Variants in CYB5A observed in about 807,000 individuals in gnomAD.
The protein encoded by CYB5A is cytochrome b5 type A, also known as cytochrome b5.
In CYB5A, 10 loss-of-function variants were observed where a neutral mutation model predicts 16.2. That is an observed-to-expected ratio of 0.62 (90% confidence interval 0.38 to 1.04). The LOEUF (loss-of-function observed/expected upper bound fraction) is 1.04. CYB5A is among the 50% of genes least tolerant of loss of function. The probability of loss-of-function intolerance (pLI) is 0.01; values close to 1 mark genes in which losing one functional copy is unlikely to be tolerated. For missense variants in CYB5A, 161 were observed against 165.9 expected, an observed-to-expected ratio of 0.97 and a Z score of 0.16; for synonymous variants, 62 against 57.0, an observed-to-expected ratio of 1.09 and a Z score of -0.40.
chr18:74,288,293 C>CG (rs1157815697), intron 1 of CYB5A, among the ~76,000 whole-genome samples: 4 of 152,148 alleles, frequency 2.6e-5, no homozygotes, highest in Non-Finnish European at 5.9e-5. Context: ...AACATGAACA[C>CG]GGACATGCAC....
At chr18:74,287,764 A>G (rs1468622583) in intron 1 of CYB5A, among the ~76,000 whole-genome samples, 1 of 152,234 alleles carries the variant, frequency 6.6e-6, no homozygotes, top group Non-Finnish European at 1.5e-5. Flanking sequence ...GACTTGAACC[A>G]AAAGCAACAG....
intron 1 of CYB5A, among the ~76,000 whole-genome samples, chr18:74,289,193 T>C (rs1357847072): frequency 6.6e-6 from 1 of 152,130 alleles, no homozygotes; most frequent in Non-Finnish European, 1.5e-5. Flanking sequence ...TAAGAAAAAA[T>C]AAAGAAATTT....
chr18:74,271,335 C>A (rs957715507), intron 1 of CYB5A, among the ~76,000 whole-genome samples: 4 of 152,162 alleles, frequency 2.6e-5, no homozygotes, highest in Non-Finnish European at 5.9e-5. Context: ...CCCAATGGGT[C>A]CTAAACTCAC....
intron 4 of CYB5A, among the ~76,000 whole-genome samples, chr18:74,253,916 C>T (rs770116042): frequency 2.6e-5 from 4 of 152,216 alleles, no homozygotes; most frequent in African/African-American, 7.2e-5. Flanking sequence ...CAGTGGCTCA[C>T]GCCTGTAATC....
chr18:74,255,574 T>C (rs953657248), intron 4 of CYB5A, among the ~76,000 whole-genome samples, 167 bp downstream of exon 4: 1 of 152,180 alleles, frequency 6.6e-6, no homozygotes, highest in African/African-American at 2.4e-5. Context: ...GTCGGCTACC[T>C]GAAAGTTTGA....
intron 1 of CYB5A, among the ~76,000 whole-genome samples, chr18:74,273,482 G>C (rs1982749719): frequency 6.6e-6 from 1 of 152,140 alleles, no homozygotes. Flanking sequence ...ACAGAAACAA[G>C]CTTTTCATTT....
chr18:74,253,451 GAAGAAA>G lies in CYB5A; in HGVS notation c.*127_*132del. ...TCTTTTTGTTTTGTTTCTAATGTCG[GAAGAAA>G]AAGAAAGAGATATATTAAAATCATT... On this transcript the variant is annotated 3_prime_UTR_variant, in exon 5 of 5. Transcript: ENST00000340533. The G allele has an allele frequency of 1.6e-6, 1 of 643,958 alleles. No individual in the cohort carries two copies. Among genetic ancestry groups the G allele is most frequent in the Non-Finnish European group, 2.8e-6 (1 of 353,138 alleles). The allele number at this position is 643,958 out of a possible 1,614,324, so 39.9% of individuals were successfully genotyped here.
chr18:74,284,003 C>T (rs8097871), intron 1 of CYB5A, among the ~76,000 whole-genome samples: 6,529 of 152,170 alleles, frequency 0.043, 180 homozygotes, highest in Middle Eastern at 0.078. Context: ...GAGGCCGAGG[C>T]GAGTGGATCA....
intron 1 of CYB5A, among the ~76,000 whole-genome samples, chr18:74,285,970 G>A (rs61019092): frequency 0.15 from 22,978 of 152,044 alleles, 1,875 homozygotes; most frequent in Admixed American, 0.2. Flanking sequence ...AGAGGATTCC[G>A]TATATTAGGA....
intron 1 of CYB5A, among the ~76,000 whole-genome samples, chr18:74,283,251 T>A (rs1246765184): frequency 1.3e-5 from 2 of 152,280 alleles, no homozygotes; most frequent in East Asian, 3.9e-4. Flanking sequence ...CTCCTCGGAT[T>A]TCCATTTAAA....
chr18:74,279,704 T>G (rs1983018473), intron 1 of CYB5A, among the ~76,000 whole-genome samples: 1 of 152,102 alleles, frequency 6.6e-6, no homozygotes, highest in African/African-American at 2.4e-5. Flanking sequence ...TCATGTTTAA[T>G]CATAATAAAC....
At chr18:74,261,002 C>G in intron 2 of CYB5A, 58 bp from the exon 3 acceptor site, 1 of 1,308,088 alleles carries the variant, frequency 7.6e-7, no homozygotes, top group Non-Finnish European at 1.1e-6. Flanking sequence ...AGTACCACTT[C>G]CAAAATGCTG....
At position 74,253,268 on chromosome 18, in the gene CYB5A, T is replaced by C. The variant is rs1047280251; in HGVS notation, c.*316A>G. ...CCAGATTCTAAACATTAAAGACAAT[T>C]ATACACCAAACAGGCAAACACGGTG... On this transcript the variant is annotated 3_prime_UTR_variant, in exon 5 of 5. Coordinates refer to ENST00000340533, the MANE Select transcript of CYB5A (RefSeq NM_148923.4). 1.7e-5 allele frequency: 6 copies of C among 343,652 alleles called. No individual in the cohort carries two copies. The highest frequency in any genetic ancestry group is 3.4e-5 in the Non-Finnish European group (6 of 177,240). The allele number at this position is 343,652 out of a possible 1,614,324, so 21.3% of individuals were successfully genotyped here. A position where few individuals can be genotyped will look rare whatever the true frequency, so the allele number is the denominator to read the frequency against.
intron 1 of CYB5A, among the ~76,000 whole-genome samples, chr18:74,274,474 A>G (rs928077755): frequency 6.6e-6 from 1 of 152,246 alleles, no homozygotes; most frequent in African/African-American, 2.4e-5. Flanking sequence ...TAAATAATAA[A>G]TTCTTAGTGT....
intron 1 of CYB5A, among the ~76,000 whole-genome samples, chr18:74,291,460 G>C (rs1018759137): frequency 1.1e-4 from 15 of 142,652 alleles, no homozygotes; most frequent in Non-Finnish European, 2.1e-4. Context: ...GTGCGGACTC[G>C]AGGAGAGCGC....
chr18:74,291,284 C>T (rs1221829092), intron 1 of CYB5A, among the ~76,000 whole-genome samples: 1 of 152,254 alleles, frequency 6.6e-6, no homozygotes, highest in African/African-American at 2.4e-5. Context: ...CGCATGGCTG[C>T]GCGCTATCCC....
In CYB5A at chr18:74,251,221, T is replaced by TGGGC. The variant is rs1981766761; in HGVS notation, c.*2362_*2363insGCCC. 6.6e-6 allele frequency: 1 copy of TGGGC among 150,728 alleles called. No individual in the cohort carries two copies. The highest frequency in any genetic ancestry group is 1.5e-5 in the Non-Finnish European group (1 of 67,746). 9.3% of individuals were successfully genotyped at this position (150,728 alleles called of 1,614,324 possible). A position where few individuals can be genotyped will look rare whatever the true frequency, so the allele number is the denominator to read the frequency against. ...GTTTACTTTGCCAAGGTTGAGGACA[T>TGGGC]GCCCGTGACAAAGCATCAGGAGGTC... On this transcript the variant is annotated 3_prime_UTR_variant, in exon 5 of 5. Transcript: ENST00000340533.
intron 1 of CYB5A, among the ~76,000 whole-genome samples, chr18:74,272,795 G>A (rs1329859718): frequency 5.9e-5 from 9 of 152,008 alleles, no homozygotes; most frequent in South Asian, 2.1e-4. Flanking sequence ...AGTGGTGGGC[G>A]CCTGTATCCT....
At chr18:74,267,487 C>G (rs1440913278) in intron 1 of CYB5A, among the ~76,000 whole-genome samples, 2 of 152,164 alleles carry the variant, frequency 1.3e-5, no homozygotes, top group Non-Finnish European at 2.9e-5. Flanking sequence ...TGCCTGTCAG[C>G]ATTCCGAAGA....
Sources: gnomAD v4.1 joint callset for allele counts (sites outside exome capture counted in the v4.1 genomes callset) on GRCh38, gnomAD v4.1.1 for gene constraint, MANE v1.5 for transcripts, NCBI Gene and HGNC (gene_info 2026-07-23, HGNC 2026-07-21) for gene names.